The following KLB variants were observed in gnomAD, a reference collection of about 807,000 sequenced individuals.
The protein encoded by KLB is klotho beta.
In KLB, 44 loss-of-function variants were observed where a neutral mutation model predicts 88.4. That is an observed-to-expected ratio of 0.50 (90% confidence interval 0.39 to 0.64). The LOEUF (loss-of-function observed/expected upper bound fraction) is 0.64. KLB is among the 30% of genes least tolerant of loss of function. The pLI is 0.00. For missense variants in KLB, 1,137 were observed against 1,304.8 expected (o/e 0.87, Z 1.98); for synonymous variants, 548 against 513.4 (o/e 1.07, Z -0.91).
intron 3 of KLB, among the ~76,000 whole-genome samples, chr4:39,440,144 C>CTTCTT (rs541844863): frequency 2.0e-5 from 3 of 149,082 alleles, no homozygotes; most frequent in Non-Finnish European, 4.5e-5. Flanking sequence ...TTTCTCTTCT[C>CTTCTT]TTCTTTTCTT....
At chr4:39,411,554 C>CT (rs1182930069) in intron 1 of KLB, among the ~76,000 whole-genome samples, 1 of 150,002 alleles carries the variant, frequency 6.7e-6, no homozygotes, top group Non-Finnish European at 1.5e-5. Context: ...GAGTCTCACT[C>CT]TGTCACCCAG....
chr4:39,444,901 T>G (rs1284183905), intron 3 of KLB, among the ~76,000 whole-genome samples: 1 of 152,184 alleles, frequency 6.6e-6, no homozygotes, highest in Non-Finnish European at 1.5e-5. Flanking sequence ...CTATGAAAGA[T>G]GACACACGAA....
Position 39,450,550 on chromosome 4 carries a change from TCTCTA to T in KLB, c.*1865_*1869del, listed in dbSNP as rs980698570. On this transcript the variant is annotated 3_prime_UTR_variant, in exon 5 of 5. Transcript: ENST00000257408. Reference sequence around the variant, plus strand: ...GAACAGTAAAATTCTGCTTTACTCTTCTCTAGTCTCCTTGCCCCAGCTGCACCCAC... The same window carrying T: ...GAACAGTAAAATTCTGCTTTACTCTTGTCTCCTTGCCCCAGCTGCACCCAC... 2.0e-5 allele frequency: 3 copies of T among 152,326 alleles called. No individual in the cohort carries two copies. Among genetic ancestry groups the T allele is most frequent in the Admixed American group, 6.5e-5 (1 of 15,296 alleles). The allele number at this position is 152,326 out of a possible 1,614,324, so 9.4% of individuals were successfully genotyped here.
At chr4:39,439,943 C>T (rs912098003) in intron 3 of KLB, among the ~76,000 whole-genome samples, 1 of 152,108 alleles carries the variant, frequency 6.6e-6, no homozygotes, top group Admixed American at 6.5e-5. Context: ...GCTGGGATTA[C>T]AGGCATGAGC....
chr4:39,447,887 A>C (rs1743795170), intron 4 of KLB, among the ~76,000 whole-genome samples: 1 of 152,074 alleles, frequency 6.6e-6, no homozygotes, highest in Non-Finnish European at 1.5e-5. Flanking sequence ...ATGGTAGCTT[A>C]AGCGAGCGAC....
chr4:39,447,510 C>T (rs369686312), intron 4 of KLB, 35 bp downstream of exon 4: 3 of 1,483,646 alleles, frequency 2.0e-6, no homozygotes, highest in South Asian at 1.3e-5. Context: ...CAGGGCAGAG[C>T]GAGATTCCTG....
chr4:39,429,000 C>A (rs28566865), intron 1 of KLB, among the ~76,000 whole-genome samples: 2 of 152,162 alleles, frequency 1.3e-5, no homozygotes, highest in African/African-American at 4.8e-5. Flanking sequence ...TGAGCCATGG[C>A]ACCCGGTCTT....
chr4:39,448,164 TC>T (rs1743803146), intron 4 of KLB, 136 bp from the exon 5 acceptor site: 5 of 617,798 alleles, frequency 8.1e-6, no homozygotes, highest in Non-Finnish European at 1.4e-5. Context: ...AGAATAAATG[TC>T]AAAAAAAACC....
At position 39,407,602 on chromosome 4, in the gene KLB, T is replaced by C; in HGVS notation, c.653T>C (p.Phe218Ser). The change falls in exon 1 of 5, where the codon TTC becomes TCC. Residue 218 changes from phenylalanine (F) to serine (S), a missense_variant. Physicochemically the swap from Phe to Ser is radical, Grantham distance 155. Transcript: ENST00000257408. ...AAAAATGATACCATAATAGATATCT[T>C]CAATGACTATGCCACATACTGTTTC... is the stretch of plus-strand genomic sequence containing the variant. ...GWKNDTIIDI[F>S]NDYATYCFQM... 1 of 1,614,042 alleles carries C rather than the reference T, an allele frequency of 6.2e-7. No individual in the cohort carries two copies. The highest frequency in any genetic ancestry group is 1.3e-5 in the African/African-American group (1 of 74,932).
At chr4:39,430,905 C>T (rs572362155) in intron 1 of KLB, among the ~76,000 whole-genome samples, 3 of 133,866 alleles carry the variant, frequency 2.2e-5, no homozygotes, top group South Asian at 2.6e-4. Context: ...CCACTGCTCC[C>T]GGTTGGAAAG....
At chr4:39,438,687 A>C (rs1743532559) in intron 3 of KLB, among the ~76,000 whole-genome samples, 1 of 152,256 alleles carries the variant, frequency 6.6e-6, no homozygotes, top group Non-Finnish European at 1.5e-5. Context: ...GATGCCTGCT[A>C]TATACCTCAC....
At chr4:39,412,873 A>G (rs1263304830) in intron 1 of KLB, among the ~76,000 whole-genome samples, 1 of 152,232 alleles carries the variant, frequency 6.6e-6, no homozygotes, top group Non-Finnish European at 1.5e-5. Flanking sequence ...TAAATACTGT[A>G]ATCAAAAACT....
At position 39,449,942 on chromosome 4, in the gene KLB, TAAAAATAAA is replaced by T. The variant is rs1242327883; in HGVS notation, c.*1259_*1267del. On this transcript the variant is annotated 3_prime_UTR_variant, in exon 5 of 5. Transcript: ENST00000257408. ...TGTCTCTCAAAATAAAAAAAAATAATAAAAATAAAAATAAAAGTAATTTCCAAAACCTCA... is the reference window on the plus strand; with the variant it reads ...TGTCTCTCAAAATAAAAAAAAATAATAATAAAAGTAATTTCCAAAACCTCA... 1.0e-5 allele frequency: 1 copy of T among 95,442 alleles called. No individual in the cohort carries two copies. Among genetic ancestry groups the T allele is most frequent in the Non-Finnish European group, 2.2e-5 (1 of 46,120 alleles). The allele number at this position is 95,442 out of a possible 1,614,324, so 5.9% of individuals were successfully genotyped here.
At chr4:39,419,155 C>T (rs1457676447) in intron 1 of KLB, among the ~76,000 whole-genome samples, 1 of 151,784 alleles carries the variant, frequency 6.6e-6, no homozygotes, top group Non-Finnish European at 1.5e-5. Flanking sequence ...CTAAAACCTT[C>T]AAGAGAGCAA....
rs1463127146 is a variant in KLB, at chr4:39,450,961, TCA to T, written c.*2278_*2279del. On this transcript the variant is annotated 3_prime_UTR_variant, in exon 5 of 5. Transcript: ENST00000257408. ...TCACTTTGTTTAAAGTATCTCGTAC[TCA>T]CAGTTCACAAATTAACCTTCACTGT... 6.6e-6 allele frequency: 1 copy of T among 152,154 alleles called. No homozygotes were observed. The highest frequency in any genetic ancestry group is 1.5e-5 in the Non-Finnish European group (1 of 68,020). 9.4% of individuals were successfully genotyped at this position (152,154 alleles called of 1,614,324 possible). A position where few individuals can be genotyped will look rare whatever the true frequency, so the allele number is the denominator to read the frequency against.
intron 4 of KLB, 151 bp downstream of exon 4, chr4:39,447,626 A>G (rs770283899): frequency 2.3e-5 from 14 of 612,792 alleles, no homozygotes; most frequent in African/African-American, 3.8e-5. Context: ...AAACTGGCCT[A>G]TGGGATTTTT....
chr4:39,439,914 C>G (rs1439107271), intron 3 of KLB, among the ~76,000 whole-genome samples: 1 of 152,038 alleles, frequency 6.6e-6, no homozygotes, highest in African/African-American at 2.4e-5. Context: ...GTTATCCACC[C>G]ACCCCGGCCT....
intron 1 of KLB, among the ~76,000 whole-genome samples, chr4:39,417,830 T>C (rs1339982900): frequency 6.6e-6 from 1 of 152,178 alleles, no homozygotes; most frequent in Non-Finnish European, 1.5e-5. Flanking sequence ...GTTCTGAAAC[T>C]CAACTTACAA....
chr4:39,444,069 A>G (rs556541895), intron 3 of KLB, among the ~76,000 whole-genome samples: 51 of 152,166 alleles, frequency 3.4e-4, no homozygotes, highest in African/African-American at 1.2e-3. Flanking sequence ...AGGCAGGAGA[A>G]TCGCTTGAAC....
Sources: allele counts gnomAD v4.1 joint callset (sites outside exome capture counted in the v4.1 genomes callset), GRCh38; gene constraint gnomAD v4.1.1; transcripts MANE v1.5; gene names NCBI Gene and HGNC (gene_info 2026-07-23, HGNC 2026-07-21).